SUPT3H: variants seen among roughly 807,000 people sequenced by gnomAD.
The protein encoded by SUPT3H is transcription initiation protein SPT3 homolog.
In SUPT3H, 44 loss-of-function variants were observed where a neutral mutation model predicts 44.3. The observed-to-expected ratio is 0.99, with a 90% confidence interval of 0.78 to 1.28. SUPT3H has a LOEUF of 1.28. Ranked by LOEUF, SUPT3H falls within the 50% of genes most tolerant of loss-of-function variation. The pLI is 0.00. For synonymous variants in SUPT3H, 124 were observed against 125.6 expected, an observed-to-expected ratio of 0.99 and a Z score of 0.09; for missense variants, 380 against 387.1, an observed-to-expected ratio of 0.98 and a Z score of 0.15.
chr6:45,236,710 T>G (rs1769225767), intron 2 of SUPT3H, among the ~76,000 whole-genome samples: 1 of 152,060 alleles, frequency 6.6e-6, no homozygotes, highest in South Asian at 2.1e-4. Flanking sequence ...GAGGGTGATT[T>G]AGAGGCTTGG....
chr6:45,101,293 C>T (rs189716336), intron 3 of SUPT3H, among the ~76,000 whole-genome samples: 1 of 152,240 alleles, frequency 6.6e-6, no homozygotes, highest in Admixed American at 6.5e-5. Context: ...GTCATGGTGG[C>T]GCATGCCTGT....
At chr6:45,208,186 C>T (rs1763502930) in intron 2 of SUPT3H, among the ~76,000 whole-genome samples, 1 of 152,182 alleles carries the variant, frequency 6.6e-6, no homozygotes, top group Admixed American at 6.5e-5. Context: ...CCAGTTAGAA[C>T]ATTCCCATAA....
At chr6:45,014,662 T>G (rs1290935423) in intron 5 of SUPT3H, 139 bp downstream of exon 5, 1 of 475,206 alleles carries the variant, frequency 2.1e-6, no homozygotes, top group Non-Finnish European at 3.7e-6. Flanking sequence ...TATATACTTT[T>G]GCAAGGGTAT....
chr6:45,100,479 G>A (rs1798397930), intron 3 of SUPT3H, among the ~76,000 whole-genome samples: 1 of 145,360 alleles, frequency 6.9e-6, no homozygotes, highest in Admixed American at 6.9e-5. Flanking sequence ...AGGCTGAGGG[G>A]GGAAATGGCT....
intron 2 of SUPT3H, among the ~76,000 whole-genome samples, chr6:45,286,198 T>C (rs4302667): frequency 0.98 from 148,046 of 151,562 alleles, 72,311 homozygotes; most frequent in Middle Eastern, 1. Context: ...CAGGACTTCA[T>C]GTCTAAAACA....
At chr6:45,306,642 G>C (rs1461327225) in intron 2 of SUPT3H, among the ~76,000 whole-genome samples, 1 of 152,144 alleles carries the variant, frequency 6.6e-6, no homozygotes, top group Admixed American at 6.5e-5. Context: ...ACCACCAAAA[G>C]AATACAATCG....
chr6:45,083,268 T>G (rs534386766), intron 3 of SUPT3H, among the ~76,000 whole-genome samples: 73 of 151,890 alleles, frequency 4.8e-4, no homozygotes, highest in African/African-American at 1.6e-3. Flanking sequence ...CTCGGCTCAA[T>G]GCAACCTCCG....
chr6:45,028,810 A>G (rs147528346), intron 3 of SUPT3H, among the ~76,000 whole-genome samples: 157 of 151,206 alleles, frequency 1.0e-3, no homozygotes, highest in African/African-American at 3.6e-3. Context: ...CACTAAATCA[A>G]GCCTTACATT....
At chr6:45,239,335 T>G (rs1769842744) in intron 2 of SUPT3H, among the ~76,000 whole-genome samples, 1 of 152,238 alleles carries the variant, frequency 6.6e-6, no homozygotes, top group African/African-American at 2.4e-5. Context: ...AATGGCTGAT[T>G]GCCTAGTTGC....
At chr6:45,367,160 G>A (rs1423165791) in intron 1 of SUPT3H, among the ~76,000 whole-genome samples, 1 of 152,144 alleles carries the variant, frequency 6.6e-6, no homozygotes, top group Non-Finnish European at 1.5e-5. Flanking sequence ...ACACTAGCTA[G>A]GTGACTAGGT....
At chr6:44,903,279 G>A (rs1199373634) in intron 10 of SUPT3H, among the ~76,000 whole-genome samples, 4 of 152,108 alleles carry the variant, frequency 2.6e-5, no homozygotes, top group South Asian at 2.1e-4. Context: ...TTGATAGACC[G>A]CTAGCAAGAC....
intron 2 of SUPT3H, among the ~76,000 whole-genome samples, chr6:45,293,990 C>G (rs1780719352): frequency 6.6e-6 from 1 of 152,078 alleles, no homozygotes; most frequent in South Asian, 2.1e-4. Context: ...TTCTATGAAG[C>G]CATTATCACG....
chr6:45,264,936 T>TA (rs1199024971), intron 2 of SUPT3H, among the ~76,000 whole-genome samples: 1 of 152,128 alleles, frequency 6.6e-6, no homozygotes, highest in African/African-American at 2.4e-5. Flanking sequence ...CGAACAAATG[T>TA]AAAAAGGATA....
At chr6:45,289,786 G>T (rs1365805378) in intron 2 of SUPT3H, among the ~76,000 whole-genome samples, 5 of 152,176 alleles carry the variant, frequency 3.3e-5, no homozygotes, top group African/African-American at 1.2e-4. Flanking sequence ...TACTAAATAT[G>T]CTTGCTGTTT....
At chr6:44,947,245 G>T (rs1238800123) in intron 9 of SUPT3H, among the ~76,000 whole-genome samples, 3 of 152,118 alleles carry the variant, frequency 2.0e-5, no homozygotes, top group African/African-American at 7.2e-5. Context: ...ACTTCAATAT[G>T]GTGGTGTGGA....
chr6:45,146,464 A>G (rs1445720398), intron 2 of SUPT3H, among the ~76,000 whole-genome samples: 2 of 152,118 alleles, frequency 1.3e-5, no homozygotes, highest in Non-Finnish European at 2.9e-5. Context: ...ATAAAAGAGT[A>G]TACACTGGGT....
chr6:45,123,942 A>C (rs1403773963), intron 2 of SUPT3H, among the ~76,000 whole-genome samples: 2 of 152,184 alleles, frequency 1.3e-5, no homozygotes, highest in Non-Finnish European at 2.9e-5. Flanking sequence ...TTCCCCAACC[A>C]TTTAAAAATG....
At chr6:45,174,884 A>C (rs1811435918) in intron 2 of SUPT3H, among the ~76,000 whole-genome samples, 1 of 151,892 alleles carries the variant, frequency 6.6e-6, no homozygotes. Context: ...TTCATCTAAA[A>C]TGTCACTTCT....
chr6:45,132,955 T>C (rs1024106575), intron 2 of SUPT3H, among the ~76,000 whole-genome samples: 1 of 149,282 alleles, frequency 6.7e-6, no homozygotes, highest in Admixed American at 6.6e-5. Flanking sequence ...AATCTAGGTC[T>C]GTCTGAGTAC....
Sources: gnomAD v4.1 joint callset for allele counts (sites outside exome capture counted in the v4.1 genomes callset) on GRCh38, gnomAD v4.1.1 for gene constraint, MANE v1.5 for transcripts, NCBI Gene and HGNC (gene_info 2026-07-23, HGNC 2026-07-21) for gene names.